Variants in EP400 observed in about 807,000 individuals in gnomAD.
EP400 encodes E1A-binding protein p400.
In EP400, 105 loss-of-function variants were observed where a neutral mutation model predicts 354.1. That is an observed-to-expected ratio of 0.30 (90% CI 0.25 to 0.35). The LOEUF (loss-of-function observed/expected upper bound fraction) is 0.35, where lower values mean the gene tolerates loss of function less well. Ranked by LOEUF, EP400 falls within the 10% of genes least tolerant of loss-of-function variation. The pLI, the probability that EP400 is intolerant of heterozygous loss-of-function variation, is 1.00. For synonymous variants in EP400, 1,646 were observed against 1,716.9 expected, an observed-to-expected ratio of 0.96 and a Z score of 1.02; for missense variants, 3,280 against 4,121.0, an observed-to-expected ratio of 0.80 and a Z score of 5.59.
chr12:132,053,626 C>A, intron 43 of EP400, 29 bp downstream of exon 43: 1 of 1,489,110 alleles, frequency 6.7e-7, no homozygotes. Flanking sequence ...CCGGGCTTCC[C>A]CTCTACGGGA....
At chr12:132,040,852 G>T (rs1028903150) in intron 32 of EP400, among the ~76,000 whole-genome samples, 14 of 152,160 alleles carry the variant, frequency 9.2e-5, no homozygotes, top group African/African-American at 3.4e-4. Flanking sequence ...TGTGGCACGG[G>T]GTCTGGCATC....
At chr12:132,058,791 C>CTTT (rs58651614) in intron 45 of EP400, among the ~76,000 whole-genome samples, 1 of 139,042 alleles carries the variant, frequency 7.2e-6, no homozygotes, top group African/African-American at 2.6e-5. Flanking sequence ...CGATTTCTTC[C>CTTT]TTTTTTTTTT....
chr12:132,020,581 C>A (rs1307945187), intron 22 of EP400, among the ~76,000 whole-genome samples: 1 of 152,156 alleles, frequency 6.6e-6, no homozygotes, highest in Admixed American at 6.5e-5. Context: ...CTTAATTATT[C>A]TTTTGAGGAA....
chr12:132,018,233 T>G lies in EP400; in HGVS notation c.4134T>G (p.Asp1378Glu), dbSNP rs1407641926. 3.1e-6 allele frequency: 5 copies of G among 1,612,780 alleles called. No individual in the cohort carries two copies. Among genetic ancestry groups the G allele is most frequent in the Non-Finnish European group, 4.2e-6 (5 of 1,179,700 alleles). Residue 1378 changes from aspartate to glutamate, a missense_variant, in exon 21 of 53, where the codon GAT becomes GAG. By Grantham distance (45) the Asp-to-Glu change is conservative. Transcript: ENST00000389561. The surrounding 1 kb of genome is among the most constrained non-coding windows in gnomAD (Gnocchi z 4.0). ...FWKEADLSMFDLIGLENKITR... is the reference protein window; with the variant it reads ...FWKEADLSMFELIGLENKITR... Reference sequence around the variant, plus strand: ...AGGAAGCAGATCTTTCTATGTTTGATCTCATCGGCTTAGAAAATAAAATCA... The same window carrying G: ...AGGAAGCAGATCTTTCTATGTTTGAGCTCATCGGCTTAGAAAATAAAATCA...
chr12:132,028,038 A>C lies in EP400; in HGVS notation c.5131A>C (p.Lys1711Gln). ...AAAGGAGGAAAAGACCAGACTCTTGAAAGAGCGCCTGGATCAGATTTATTT... is the reference window on the plus strand; with the variant it reads ...AAAGGAGGAAAAGACCAGACTCTTGCAAGAGCGCCTGGATCAGATTTATTT... Reference protein sequence around the residue: ...PTQEEKTRLLKERLDQIYLVN... With the variant: ...PTQEEKTRLLQERLDQIYLVN... The change falls in exon 27 of 53, where the codon AAA (lysine) becomes CAA (glutamine). Residue 1711 changes from lysine to glutamine, a missense_variant. Lys to Gln is a moderately conservative substitution (Grantham distance 53). Around this residue, in one of 20 missense-constraint regions of EP400, gnomAD observed 459 missense variants for 496.9 expected, o/e 0.92. Transcript: ENST00000389561. 3 of 1,613,796 alleles carry C rather than the reference A, an allele frequency of 1.9e-6. No individual in the cohort carries two copies. Among genetic ancestry groups the C allele is most frequent in the Non-Finnish European group, 2.5e-6 (3 of 1,179,684 alleles).
chr12:131,954,957 A>G (rs184580391), intron 1 of EP400, among the ~76,000 whole-genome samples: 3 of 152,262 alleles, frequency 2.0e-5, no homozygotes, highest in Admixed American at 1.3e-4. Flanking sequence ...TGGAAGGCAG[A>G]GGTTACAGTG....
At chr12:131,992,887 C>T (rs945449599) in intron 11 of EP400, among the ~76,000 whole-genome samples, 1 of 152,150 alleles carries the variant, frequency 6.6e-6, no homozygotes, top group Non-Finnish European at 1.5e-5. Flanking sequence ...GTTTTATTGG[C>T]TTGGTTTGGT....
Position 131,990,134 on chromosome 12 carries a change from A to C in EP400, c.2550+30A>C, listed in dbSNP as rs1331088958. ...GTGCTGCCGTTGTCATGGGGTCGTA[A>C]GAATCAGTCTGTCGGAGCTGGTGAG... On this transcript the variant is annotated intron_variant, in intron 8 of 52. Coordinates refer to ENST00000389561, the MANE Select transcript of EP400 (RefSeq NM_015409.5). This position sits in a 1 kb window ranked among gnomAD's most constrained non-coding sequence, Gnocchi z 4.2. 1.3e-6 allele frequency: 2 copies of C among 1,581,728 alleles called. No individual in the cohort carries two copies. The highest frequency in any genetic ancestry group is 1.7e-6 in the Non-Finnish European group (2 of 1,167,162).
At chr12:132,046,314 G>A (rs373333669) in intron 39 of EP400, among the ~76,000 whole-genome samples, 87 of 152,272 alleles carry the variant, frequency 5.7e-4, no homozygotes, top group Admixed American at 2.1e-3. Context: ...TGATCATGGC[G>A]TACTTAAATG....
chr12:132,025,855 TC>T lies in EP400; in HGVS notation c.5014+53del. Reference sequence around the variant, plus strand: ...ACTTGGCTTGGATGCTTCTTTCTCTTCCATCTAAGGCGAGTGGAAAGCATTC... The same window carrying T: ...ACTTGGCTTGGATGCTTCTTTCTCTTCATCTAAGGCGAGTGGAAAGCATTC... On this transcript the variant is annotated intron_variant, in intron 25 of 52. Transcript: ENST00000389561. This position sits in a 1 kb window ranked among gnomAD's most constrained non-coding sequence, Gnocchi z 4.1. 1 of 1,516,636 alleles carries T rather than the reference TC, an allele frequency of 6.6e-7. No individual in the cohort carries two copies. Among genetic ancestry groups the T allele is most frequent in the Non-Finnish European group, 8.8e-7 (1 of 1,135,896 alleles). The allele number at this position is 1,516,636 out of a possible 1,614,324, so 93.9% of individuals were successfully genotyped here.
intron 32 of EP400, among the ~76,000 whole-genome samples, chr12:132,040,530 C>T (rs921780966): frequency 3.9e-5 from 6 of 152,178 alleles, no homozygotes; most frequent in African/African-American, 1.4e-4. Flanking sequence ...CATAGTATTT[C>T]AACACACAGA....
At chr12:131,979,882 T>A in intron 3 of EP400, 89 bp downstream of exon 3, 1 of 1,048,392 alleles carries the variant, frequency 9.5e-7, no homozygotes, top group Non-Finnish European at 1.3e-6. Flanking sequence ...TGAAGAGCAG[T>A]TGCTAAACTT....
chr12:131,977,944 C>T (rs1443526172), intron 2 of EP400, among the ~76,000 whole-genome samples: 1 of 152,142 alleles, frequency 6.6e-6, no homozygotes, highest in Non-Finnish European at 1.5e-5. Context: ...GTATCTGTAA[C>T]TTTTGCGTTT....
chr12:132,017,930 G>A lies in EP400; in HGVS notation c.4110+209G>A, dbSNP rs1396469003. The stretch of plus-strand genomic sequence containing the variant: ...TCCGGAAATTTACCCGAGGGAGACA[G>A]GCTCACAGAGTGGAAAGATGCAGAG... On this transcript the variant is annotated intron_variant, in intron 20 of 52. Transcript: ENST00000389561. The surrounding 1 kb of genome is among the most constrained non-coding windows in gnomAD (Gnocchi z 5.0). Among the ~76,000 whole-genome samples, 1 of 152,252 alleles carries A rather than the reference G, an allele frequency of 6.6e-6. No homozygotes were observed. The highest frequency in any genetic ancestry group is 1.5e-5 in the Non-Finnish European group (1 of 68,046).
At chr12:132,055,826 G>T (rs952522067) in intron 45 of EP400, among the ~76,000 whole-genome samples, 2 of 151,682 alleles carry the variant, frequency 1.3e-5, no homozygotes, top group Non-Finnish European at 2.9e-5. Context: ...GGGATGTGAG[G>T]GTCCGCTGCT....
chr12:131,989,760 T>C (rs1892969996), intron 7 of EP400, among the ~76,000 whole-genome samples: 1 of 152,186 alleles, frequency 6.6e-6, no homozygotes, highest in African/African-American at 2.4e-5. Flanking sequence ...AAAAACACTT[T>C]CTAGAAAAGT....
At chr12:131,957,583 A>G (rs1356564868) in intron 1 of EP400, among the ~76,000 whole-genome samples, 1 of 132,012 alleles carries the variant, frequency 7.6e-6, no homozygotes, top group African/African-American at 2.9e-5. Flanking sequence ...AAAATGCTTT[A>G]TTTATTTATT....
chr12:131,974,760 C>T (rs1443244029), intron 2 of EP400, among the ~76,000 whole-genome samples: 1 of 151,914 alleles, frequency 6.6e-6, no homozygotes, highest in South Asian at 2.1e-4. Context: ...GAGGCCGAGG[C>T]GGGCGGATCA....
rs1891871482 is a variant in EP400 at position 131,961,216 on chromosome 12, C to G, written c.597C>G (p.Thr199=). ...TGTTTCAGGATGGGTCAGGGCTCAC[C>G]CAGATCGCCCAGGGAGCCCAGGTTC... ...HFVFQDGSGL[T]QIAQGAQVQL... The change falls in exon 2 of 53, where the codon ACC becomes ACG. Residue 199 remains threonine, a synonymous_variant. Coordinates refer to ENST00000389561, the MANE Select transcript of EP400 (RefSeq NM_015409.5). The G allele has an allele frequency of 6.6e-7, 1 of 1,520,474 alleles. No individual in the cohort carries two copies. Among genetic ancestry groups the G allele is most frequent in the African/African-American group, 1.4e-5 (1 of 72,760 alleles). 94.2% of individuals were successfully genotyped at this position (1,520,474 alleles called of 1,614,324 possible).
Sources: gnomAD v4.1 joint callset for allele counts (sites outside exome capture counted in the v4.1 genomes callset) on GRCh38, gnomAD v4.1.1 for gene constraint, gnomAD v4.1.1 regional missense constraint, Gnocchi (gnomAD v3.1) non-coding constraint, MANE v1.5 for transcripts, NCBI Gene and HGNC (gene_info 2026-07-23, HGNC 2026-07-21) for gene names.